Variants in FNDC3B observed in about 807,000 individuals in gnomAD.
FNDC3B encodes the protein fibronectin type III domain containing 3B.
In FNDC3B, 12 loss-of-function variants were observed where a neutral mutation model predicts 151.5. The ratio of observed to expected loss-of-function variants is 0.08; its 90% CI spans 0.05 to 0.13. FNDC3B has a LOEUF of 0.13. Among genes scored for constraint, FNDC3B ranks in the 10% least tolerant of loss-of-function variants. The probability of loss-of-function intolerance (pLI) is 1.00; values close to 1 mark genes in which losing one functional copy is unlikely to be tolerated. For synonymous variants in FNDC3B, 528 were observed against 549.0 expected, an observed-to-expected ratio of 0.96 and a Z score of 0.54; for missense variants, 1,214 against 1,505.3, an observed-to-expected ratio of 0.81 and a Z score of 3.20.
At chr3:172,241,146 G>T (rs745758034) in intron 4 of FNDC3B, among the ~76,000 whole-genome samples, 11 of 152,080 alleles carry the variant, frequency 7.2e-5, no homozygotes, top group Admixed American at 2.0e-4. Flanking sequence ...TTAAAAGAGA[G>T]TTTTTGTTTG....
At chr3:172,267,137 C>A (rs1039975326) in intron 6 of FNDC3B, among the ~76,000 whole-genome samples, 1 of 151,042 alleles carries the variant, frequency 6.6e-6, no homozygotes, top group African/African-American at 2.4e-5. Flanking sequence ...AAGCAGTTTA[C>A]GTAGGGAAAT....
chr3:172,226,872 A>T lies in FNDC3B; in HGVS notation c.189A>T (p.Gly63=), dbSNP rs1297603356. 6.2e-7 allele frequency: 1 copy of T among 1,605,668 alleles called. No individual in the cohort carries two copies. Among genetic ancestry groups the T allele is most frequent in the Non-Finnish European group, 8.5e-7 (1 of 1,172,370 alleles). Residue 63 remains glycine (G), a splice_region_variant and synonymous_variant, in exon 4 of 26, where the codon GGA becomes GGT. Coordinates refer to ENST00000415807, the MANE Select transcript of FNDC3B (RefSeq NM_022763.4). ...AEDGTLQCIQ[G]PAEVPMMSPN... is the part of the protein sequence containing the mutation. ...TAACATCTGACTCGTCTGTTTTAGG[A>T]CCTGCTGAAGTTCCCATGATGTCAC...
At chr3:172,103,136 C>T (rs537639391) in intron 1 of FNDC3B, among the ~76,000 whole-genome samples, 15 of 152,206 alleles carry the variant, frequency 9.9e-5, no homozygotes, top group Middle Eastern at 3.4e-3. Context: ...TTAAAAACAA[C>T]GAACAAAGCA....
chr3:172,155,667 G>C (rs901878344), intron 3 of FNDC3B, among the ~76,000 whole-genome samples: 5 of 152,192 alleles, frequency 3.3e-5, no homozygotes, highest in Admixed American at 6.5e-5. Flanking sequence ...TCTGCCCAGG[G>C]CAAACAATTT....
rs532190105 is a variant in FNDC3B, at chr3:172,378,426, C to G, written c.3165C>G (p.Pro1055=). 2.9e-5 allele frequency: 47 copies of G among 1,611,202 alleles called. No individual in the cohort carries two copies. In the South Asian group the frequency reaches 4.0e-4, roughly 14 times the overall value. The change falls in exon 24 of 26, where the codon CCC becomes CCG. Residue 1055 remains proline (P), a synonymous_variant. Transcript: ENST00000415807. Reference sequence around the variant, plus strand: ...TCAGCACAACCAAAAGTGTCCCCCCCACCATCAAAGGTGTGTAGACTATGT... The same window carrying G: ...TCAGCACAACCAAAAGTGTCCCCCCGACCATCAAAGGTGTGTAGACTATGT... The part of the protein sequence containing the change: ...YTFSTTKSVP[P]TIKAPRVTQL...
chr3:172,358,573 G>C (rs981028918), intron 22 of FNDC3B, among the ~76,000 whole-genome samples: 2 of 152,214 alleles, frequency 1.3e-5, no homozygotes, highest in African/African-American at 4.8e-5. Context: ...AAGTGAGGTG[G>C]TGTAATAGTG....
intron 3 of FNDC3B, among the ~76,000 whole-genome samples, chr3:172,170,518 C>T (rs1723232389): frequency 6.6e-6 from 1 of 152,216 alleles, no homozygotes; most frequent in Non-Finnish European, 1.5e-5. Context: ...TCCCCAGTCT[C>T]CATTCCAATA....
intron 22 of FNDC3B, among the ~76,000 whole-genome samples, chr3:172,362,038 T>C (rs566029962): frequency 1.3e-5 from 2 of 152,336 alleles, no homozygotes; most frequent in South Asian, 2.1e-4. Context: ...TAAGGTAATA[T>C]GTTTCTTATC....
At chr3:172,387,244 C>T (rs1735764825) in intron 25 of FNDC3B, among the ~76,000 whole-genome samples, 2 of 152,164 alleles carry the variant, frequency 1.3e-5, no homozygotes, top group Admixed American at 1.3e-4. Flanking sequence ...GCATGAGCCA[C>T]CACACCCAGC....
Position 172,253,640 on chromosome 3 carries a change from A to G in FNDC3B, c.790+2099A>G, listed in dbSNP as rs527512461. Reference sequence around the variant, plus strand: ...ACTTAATACTAGTATGATAAACCTAATAGGTTCATATGTGGTTTGCACAAG... The same window carrying G: ...ACTTAATACTAGTATGATAAACCTAGTAGGTTCATATGTGGTTTGCACAAG... On this transcript the variant is annotated intron_variant, in intron 6 of 25. Coordinates refer to ENST00000415807, the MANE Select transcript of FNDC3B (RefSeq NM_022763.4). Among the ~76,000 whole-genome samples the G allele has an allele frequency of 5.4e-4, 82 of 152,276 alleles. No individual in the cohort carries two copies. The South Asian group carries it at 0.017, about 31-fold the overall frequency.
At chr3:172,393,638 A>G (rs1016714838) in intron 25 of FNDC3B, among the ~76,000 whole-genome samples, 4 of 152,258 alleles carry the variant, frequency 2.6e-5, no homozygotes, top group Non-Finnish European at 5.9e-5. Flanking sequence ...AATTATATCA[A>G]GTATCTTTTC....
At chr3:172,158,069 C>T (rs1722585427) in intron 3 of FNDC3B, among the ~76,000 whole-genome samples, 1 of 152,134 alleles carries the variant, frequency 6.6e-6, no homozygotes, top group Non-Finnish European at 1.5e-5. Flanking sequence ...GGGCTTTCAC[C>T]AGGCATTGAA....
intron 1 of FNDC3B, among the ~76,000 whole-genome samples, chr3:172,044,283 C>CTTTTT (rs767357950): frequency 3.6e-5 from 4 of 110,404 alleles, no homozygotes; most frequent in Admixed American, 8.8e-5. Flanking sequence ...AATTCCAACT[C>CTTTTT]TTTTTTTTTT....
chr3:172,373,150 C>T (rs549565244), intron 23 of FNDC3B, among the ~76,000 whole-genome samples: 1 of 152,292 alleles, frequency 6.6e-6, no homozygotes, highest in East Asian at 1.9e-4. Flanking sequence ...GAGCCCCACT[C>T]GCTGTTAGAA....
chr3:172,057,260 G>C (rs1002644326), intron 1 of FNDC3B, among the ~76,000 whole-genome samples: 1 of 152,110 alleles, frequency 6.6e-6, no homozygotes, highest in African/African-American at 2.4e-5. Flanking sequence ...TCATCTCTGG[G>C]TCACCACTGC....
rs1387500268 is a variant in FNDC3B at position 172,052,127 on chromosome 3, C to T, written c.-29+12356C>T. Among the ~76,000 whole-genome samples the T allele has an allele frequency of 2.0e-5, 3 of 151,618 alleles. No individual in the cohort carries two copies. In the East Asian group the frequency reaches 5.8e-4, roughly 29 times the overall value. On this transcript the variant is annotated intron_variant, in intron 1 of 25. Coordinates refer to ENST00000415807, the MANE Select transcript of FNDC3B (RefSeq NM_022763.4). ...TGAGACAGGGTCTGGCTCTGCTGCC[C>T]AGGCTGGGGTGCAGTGGCATGATCT... is the stretch of plus-strand genomic sequence containing the variant.
intron 3 of FNDC3B, among the ~76,000 whole-genome samples, chr3:172,134,932 A>T (rs971858342): frequency 2.6e-5 from 4 of 152,014 alleles, no homozygotes; most frequent in African/African-American, 9.7e-5. Context: ...TTGTAGTACT[A>T]TAATAAACAG....
intron 2 of FNDC3B, among the ~76,000 whole-genome samples, chr3:172,118,240 C>G (rs902673506): frequency 6.6e-6 from 1 of 152,238 alleles, no homozygotes; most frequent in African/African-American, 2.4e-5. Context: ...TGCCCCTCCT[C>G]CTAATCCAGT....
intron 3 of FNDC3B, among the ~76,000 whole-genome samples, chr3:172,219,074 T>C (rs920105882): frequency 6.6e-6 from 1 of 152,226 alleles, no homozygotes; most frequent in Non-Finnish European, 1.5e-5. Flanking sequence ...TCAGCTTGCT[T>C]CTGGGCCTCA....
Sources: gnomAD v4.1 joint callset for allele counts (sites outside exome capture counted in the v4.1 genomes callset) on GRCh38, gnomAD v4.1.1 for gene constraint, MANE v1.5 for transcripts, NCBI Gene and HGNC (gene_info 2026-07-23, HGNC 2026-07-21) for gene names.